The following RASGEF1C variants were observed in gnomAD, a reference collection of about 807,000 sequenced individuals.
RASGEF1C encodes RasGEF domain family member 1C, also known as ras-GEF domain-containing family member 1C.
In RASGEF1C, 27 loss-of-function variants were observed where a neutral mutation model predicts 58.1. That is an observed-to-expected ratio of 0.46 (90% CI 0.34 to 0.64). RASGEF1C has a LOEUF of 0.64. Ranked by LOEUF, RASGEF1C falls within the 30% of genes least tolerant of loss-of-function variation. The pLI, the probability that RASGEF1C is intolerant of heterozygous loss-of-function variation, is 0.01. For missense variants in RASGEF1C, 502 were observed against 605.1 expected (o/e 0.83, Z 1.79); for synonymous variants, 243 against 246.3 (o/e 0.99, Z 0.13).
chr5:180,181,808 A>C (rs1488759177), intron 1 of RASGEF1C, among the ~76,000 whole-genome samples: 2 of 152,178 alleles, frequency 1.3e-5, no homozygotes, highest in South Asian at 4.1e-4. Context: ...GGCTGAGTGG[A>C]GCATGAACGC....
chr5:180,173,658 T>C (rs1408334644), intron 1 of RASGEF1C, among the ~76,000 whole-genome samples: 1 of 152,086 alleles, frequency 6.6e-6, no homozygotes, highest in African/African-American at 2.4e-5. Flanking sequence ...CTCCCGCCTG[T>C]AGTCCCAGCA....
At chr5:180,190,407 G>A (rs907510229) in intron 1 of RASGEF1C, among the ~76,000 whole-genome samples, 15 of 149,318 alleles carry the variant, frequency 1.0e-4, no homozygotes, top group South Asian at 4.3e-4. Context: ...GGAGAGTGGC[G>A]TGAACCTGGG....
intron 10 of RASGEF1C, among the ~76,000 whole-genome samples, chr5:180,116,178 G>T (rs1360190795): frequency 9.9e-5 from 15 of 152,176 alleles, no homozygotes; most frequent in Non-Finnish European, 4.4e-5. Flanking sequence ...TGGTCTCCCT[G>T]CCCTCGCAGC....
At chr5:180,147,000 T>C (rs1766669872) in intron 1 of RASGEF1C, among the ~76,000 whole-genome samples, 1 of 152,092 alleles carries the variant, frequency 6.6e-6, no homozygotes, top group African/African-American at 2.4e-5. Context: ...TAGTTATAGG[T>C]CTATTTACGG....
intron 1 of RASGEF1C, among the ~76,000 whole-genome samples, chr5:180,152,308 C>T (rs1468091713): frequency 6.6e-6 from 1 of 152,016 alleles, no homozygotes; most frequent in Admixed American, 6.5e-5. Context: ...GACTTGGAAC[C>T]AACCCAAATG....
rs185798138 is a variant in RASGEF1C at position 180,178,105 on chromosome 5, T to A, written c.-7+30923A>T. On this transcript the variant is annotated intron_variant, in intron 1 of 13. Coordinates refer to ENST00000361132, the MANE Select transcript of RASGEF1C (RefSeq NM_175062.4). ...CCTCAGCCTCCTGAGTAGCTGGGAC[T>A]ACAGGCGTGCACCACCAAGCCTGGC... Among the ~76,000 whole-genome samples the A allele has an allele frequency of 5.5e-3, 839 of 151,282 alleles. 11 individuals are homozygous for A. Among genetic ancestry groups the A allele is most frequent in the African/African-American group, 0.019 (779 of 41,262 alleles).
intron 1 of RASGEF1C, among the ~76,000 whole-genome samples, chr5:180,150,082 T>C (rs1766722527): frequency 6.6e-6 from 1 of 152,230 alleles, no homozygotes; most frequent in Non-Finnish European, 1.5e-5. Context: ...TTTATTTTCC[T>C]GTTCCTCAGA....
At chr5:180,136,684 G>GA (rs1561739899) in intron 3 of RASGEF1C, 169 bp from the exon 4 acceptor site, 1 of 660,652 alleles carries the variant, frequency 1.5e-6, no homozygotes, top group African/African-American at 1.9e-5. Context: ...ACGGGGAGAG[G>GA]AGGGGGGACG....
intron 11 of RASGEF1C, among the ~76,000 whole-genome samples, chr5:180,112,981 C>T (rs1348713464): frequency 2.1e-4 from 14 of 66,460 alleles, no homozygotes; most frequent in South Asian, 6.1e-4. Flanking sequence ...GACGGAGGGA[C>T]CGGGGATGGA....
intron 6 of RASGEF1C, among the ~76,000 whole-genome samples, chr5:180,124,583 G>T (rs766325356): frequency 1.3e-5 from 2 of 152,132 alleles, no homozygotes; most frequent in African/African-American, 4.8e-5. Flanking sequence ...CCAGCACTTT[G>T]GGAGGCCGAG....
intron 10 of RASGEF1C, among the ~76,000 whole-genome samples, chr5:180,116,134 C>T (rs1403488386): frequency 6.6e-6 from 1 of 152,206 alleles, no homozygotes; most frequent in Non-Finnish European, 1.5e-5. Flanking sequence ...TCCGCCATGG[C>T]CACGCCACTC....
chr5:180,130,251 G>A (rs1343151767), intron 4 of RASGEF1C, among the ~76,000 whole-genome samples: 2 of 152,240 alleles, frequency 1.3e-5, no homozygotes, highest in African/African-American at 4.8e-5. Flanking sequence ...GCTCCACGCT[G>A]GGTAATTGAA....
At chr5:180,103,116 C>T (rs762838111) in intron 12 of RASGEF1C, among the ~76,000 whole-genome samples, 27 of 152,192 alleles carry the variant, frequency 1.8e-4, no homozygotes, top group Non-Finnish European at 2.4e-4. Context: ...CTCGCTCTGT[C>T]GCCCAGGCTG....
intron 10 of RASGEF1C, among the ~76,000 whole-genome samples, chr5:180,117,764 C>G (rs1456947174): frequency 6.6e-6 from 1 of 152,068 alleles, no homozygotes; most frequent in Non-Finnish European, 1.5e-5. Context: ...GAGGTCGAGG[C>G]AGGGAAATCA....
At chr5:180,173,894 C>CA (rs200998239) in intron 1 of RASGEF1C, among the ~76,000 whole-genome samples, 2,625 of 138,416 alleles carry the variant, frequency 0.019, 70 homozygotes, top group African/African-American at 0.067. Flanking sequence ...GCCTGGGCAA[C>CA]AGAGCGAGAC....
chr5:180,208,690 G>C (rs1055004651), intron 1 of RASGEF1C, among the ~76,000 whole-genome samples: 1 of 152,084 alleles, frequency 6.6e-6, no homozygotes, highest in African/African-American at 2.4e-5. Flanking sequence ...TCCGGTGCGG[G>C]TGGAGGCTTT....
At chr5:180,185,543 C>T (rs1756020231) in intron 1 of RASGEF1C, among the ~76,000 whole-genome samples, 1 of 151,832 alleles carries the variant, frequency 6.6e-6, no homozygotes, top group African/African-American at 2.4e-5. Flanking sequence ...CAAGATTGTG[C>T]CATTGCACTC....
chr5:180,154,438 C>T (rs916260267), intron 1 of RASGEF1C, among the ~76,000 whole-genome samples: 3 of 152,182 alleles, frequency 2.0e-5, no homozygotes, highest in Non-Finnish European at 2.9e-5. Context: ...CTTTTGTTCT[C>T]ATATGTCAGT....
At chr5:180,171,995 G>A (rs1453772066) in intron 1 of RASGEF1C, among the ~76,000 whole-genome samples, 1 of 152,210 alleles carries the variant, frequency 6.6e-6, no homozygotes. Context: ...TAGGGGTGGG[G>A]TCAGTGGGTG....
Sources: allele counts gnomAD v4.1 joint callset (sites outside exome capture counted in the v4.1 genomes callset), GRCh38; gene constraint gnomAD v4.1.1; transcripts MANE v1.5; gene names NCBI Gene and HGNC (gene_info 2026-07-23, HGNC 2026-07-21).